DDX41: variants seen among roughly 807,000 people sequenced by gnomAD.
The protein encoded by DDX41 is probable ATP-dependent RNA helicase DDX41.
DDX41 carries 50 observed loss-of-function variants against 78.8 expected under a neutral mutation model. The observed-to-expected ratio is 0.63, with a 90% CI of 0.51 to 0.80. DDX41 has a LOEUF of 0.80. DDX41 is among the 30% of genes least tolerant of loss of function. The pLI, the probability that DDX41 is intolerant of heterozygous loss-of-function variation, is 0.00. For synonymous variants in DDX41, 381 were observed against 321.5 expected (o/e 1.19, Z -1.98); for missense variants, 633 against 849.2 (o/e 0.75, Z 3.16).
At position 177,512,803 on chromosome 5, in the gene DDX41, G is replaced by T; in HGVS notation, c.1376C>A (p.Ala459Asp). Residue 459 changes from alanine (A) to aspartate (D), a missense_variant, in exon 13 of 17, where the codon GCC becomes GAC. Physicochemically the swap from Ala to Asp is moderately radical, Grantham distance 126. Transcript: ENST00000330503. The stretch of plus-strand genomic sequence containing the variant: ...ACCTTTGCCCCCATGGATGGCTACG[G>T]CCTCAACCCCCTTGAGCAGCAGGTA... ...HEYLLLKGVE[A>D]VAIHGGKDQE... is the part of the protein sequence containing the mutation. 6.2e-7 allele frequency: 1 copy of T among 1,614,150 alleles called. No individual in the cohort carries two copies. Among genetic ancestry groups the T allele is most frequent in the Non-Finnish European group, 8.5e-7 (1 of 1,180,026 alleles).
chr5:177,512,242 T>A (rs1168762827), intron 15 of DDX41, 36 bp from the exon 16 acceptor site: 2 of 1,613,846 alleles, frequency 1.2e-6, no homozygotes, highest in East Asian at 2.2e-5. Context: ...GGGCCCATCC[T>A]GGGCTCTGTG....
chr5:177,513,924 C>T lies in DDX41; in HGVS notation c.936-77G>A. ...CTAGAGGCAAGCAGGCACCCTGCAT[C>T]TGCTCTGCTCTCTGTCCTCCTTCCT... On this transcript the variant is annotated intron_variant, in intron 9 of 16. Transcript: ENST00000330503. The surrounding 1 kb of genome is among the most constrained non-coding windows in gnomAD (Gnocchi z 4.6). 7.1e-7 allele frequency: 1 copy of T among 1,402,962 alleles called. No individual in the cohort carries two copies. 86.9% of individuals were successfully genotyped at this position (1,402,962 alleles called of 1,614,324 possible). A position where few individuals can be genotyped will look rare whatever the true frequency, so the allele number is the denominator to read the frequency against.
Position 177,514,559 on chromosome 5 carries a change from C to G in DDX41, c.935+142G>C, listed in dbSNP as rs1031201778. 4 of 1,214,426 alleles carry G rather than the reference C, an allele frequency of 3.3e-6. No homozygotes were observed. In the South Asian group the frequency reaches 4.4e-5, roughly 13 times the overall value. The allele number at this position is 1,214,426 out of a possible 1,614,324, so 75.2% of individuals were successfully genotyped here. ...TCTGTCCTCCCCCAACTAACCTCCC[C>G]ATTAGACTGGGAGCTCCTTGAGGGT... On this transcript the variant is annotated intron_variant, in intron 9 of 16. Coordinates refer to ENST00000330503, the MANE Select transcript of DDX41 (RefSeq NM_016222.4). The surrounding 1 kb of genome is among the most constrained non-coding windows in gnomAD (Gnocchi z 4.2).
intron 6 of DDX41, 64 bp downstream of exon 6, chr5:177,515,621 C>T: frequency 1.3e-6 from 2 of 1,590,166 alleles, no homozygotes; most frequent in South Asian, 2.3e-5. Context: ...CAGTGGGAGC[C>T]AGGACATAAC....
chr5:177,515,680 A>T lies in DDX41; in HGVS notation c.571+5T>A. On this transcript the variant is annotated splice_donor_5th_base_variant and intron_variant, in intron 6 of 16. Coordinates refer to ENST00000330503, the MANE Select transcript of DDX41 (RefSeq NM_016222.4). ...GTGTGGTATCTCTCTCCAGCCCCTG[A>T]CTACCTGCAGGAAACTTCATTTCCT... 1 of 1,613,888 alleles carries T rather than the reference A, an allele frequency of 6.2e-7. No individual in the cohort carries two copies.
In DDX41 at chr5:177,514,863, C is replaced by T. The variant is rs1761149512; in HGVS notation, c.799-26G>A. 1 of 1,605,430 alleles carries T rather than the reference C, an allele frequency of 6.2e-7. No homozygotes were observed. Among genetic ancestry groups the T allele is most frequent in the Non-Finnish European group, 8.5e-7 (1 of 1,173,612 alleles). Reference sequence around the variant, plus strand: ...CTGCAGGCAGAGGGACAAAGGCTGGCACCAGATGGCAGCCCCAATCTCTGG... The same window carrying T: ...CTGCAGGCAGAGGGACAAAGGCTGGTACCAGATGGCAGCCCCAATCTCTGG... On this transcript the variant is annotated intron_variant, in intron 8 of 16. Transcript: ENST00000330503. The surrounding 1 kb of genome is among the most constrained non-coding windows in gnomAD (Gnocchi z 4.2).
Position 177,514,318 on chromosome 5 carries a change from A to G in DDX41, c.935+383T>C, listed in dbSNP as rs1332195066. 1.5e-5 allele frequency: 7 copies of G among 480,516 alleles called. No individual in the cohort carries two copies. The highest frequency in any genetic ancestry group is 1.1e-4 in the South Asian group (7 of 61,914). The allele number at this position is 480,516 out of a possible 1,614,324, so 29.8% of individuals were successfully genotyped here. On this transcript the variant is annotated intron_variant, in intron 9 of 16. Coordinates refer to ENST00000330503, the MANE Select transcript of DDX41 (RefSeq NM_016222.4). This position sits in a 1 kb window ranked among gnomAD's most constrained non-coding sequence, Gnocchi z 4.2. ...AAGGACACAGGTGCCGCTGGGATCC[A>G]GCCCTACCCCAGTGCCTCAACCTCC...
Position 177,513,416 on chromosome 5 carries a change from G to C in DDX41, c.1167C>G (p.Ala389=), listed in dbSNP as rs768748580. 2 of 1,614,050 alleles carry C rather than the reference G, an allele frequency of 1.2e-6. No homozygotes were observed. The highest frequency in any genetic ancestry group is 1.7e-6 in the Non-Finnish European group (2 of 1,180,030). ...CATTGATGGTCACAGGCTTTACAAG[G>C]GCACTCTTAGCAAAGTTCTGAATCT... is the stretch of plus-strand genomic sequence containing the variant. ...PKKIQNFAKS[A]LVKPVTINVG... is the part of the protein sequence containing the mutation. The change falls in exon 11 of 17, where the codon GCC becomes GCG. Residue 389 remains alanine, a synonymous_variant. Transcript: ENST00000330503. This position sits in a 1 kb window ranked among gnomAD's most constrained non-coding sequence, Gnocchi z 4.6.
chr5:177,516,615 C>G (rs1391102273), intron 2 of DDX41, 110 bp downstream of exon 2: 6 of 1,381,370 alleles, frequency 4.3e-6, no homozygotes, highest in Non-Finnish European at 5.0e-6. Flanking sequence ...CCCTGGTGTA[C>G]TGAAGCTCAC....
rs985879684 is a variant in DDX41, at chr5:177,515,754, G to A, written c.502C>T (p.His168Tyr). 3 of 1,614,138 alleles carry A rather than the reference G, an allele frequency of 1.9e-6. No individual in the cohort carries two copies. Among genetic ancestry groups the A allele is most frequent in the Non-Finnish European group, 1.7e-6 (2 of 1,180,038 alleles). Reference sequence around the variant, plus strand: ...ATACCGTCTCCCTCCACCAGGATGTGGTATTTCTTCCGCACGCGCTCATGT... The same window carrying A: ...ATACCGTCTCCCTCCACCAGGATGTAGTATTTCTTCCGCACGCGCTCATGT... ...ERHERVRKKY[H>Y]ILVEGDGIPP... The change falls in exon 6 of 17, where the codon CAC becomes TAC. Residue 168 changes from histidine (H) to tyrosine (Y), a missense_variant. Around this residue, in one of 6 missense-constraint regions of DDX41, gnomAD observed 126 missense variants for 115.5 expected, o/e 1.09. Coordinates refer to ENST00000330503, the MANE Select transcript of DDX41 (RefSeq NM_016222.4).
Position 177,513,095 on chromosome 5 carries a change from AGATCAGGTCAGGT to A in DDX41, c.1231-26_1231-14del. 1 of 1,611,456 alleles carries A rather than the reference AGATCAGGTCAGGT, an allele frequency of 6.2e-7. No individual in the cohort carries two copies. Among genetic ancestry groups the A allele is most frequent in the Non-Finnish European group, 8.5e-7 (1 of 1,178,406 alleles). The stretch of plus-strand genomic sequence containing the variant: ...CATATTCTACCTCCTGCCACCACAA[AGATCAGGTCAGGT>A]GATCTTGAGATTAGGCTTACCCGCC... On this transcript the variant is annotated splice_polypyrimidine_tract_variant and intron_variant, in intron 11 of 16. Coordinates refer to ENST00000330503, the MANE Select transcript of DDX41 (RefSeq NM_016222.4). The surrounding 1 kb of genome is among the most constrained non-coding windows in gnomAD (Gnocchi z 4.6).
At chr5:177,515,853 C>G (rs1221797303) in intron 5 of DDX41, 32 bp from the exon 6 acceptor site, 1 of 1,614,116 alleles carries the variant, frequency 6.2e-7, no homozygotes, top group Non-Finnish European at 8.5e-7. Flanking sequence ...CAAGAGAGCC[C>G]TGGGAATAGC....
Position 177,516,720 on chromosome 5 carries a change from C to A in DDX41, c.138+5G>T, listed in dbSNP as rs187714514. The A allele has an allele frequency of 1.3e-4, 211 of 1,591,986 alleles. No individual in the cohort carries two copies. Among genetic ancestry groups the A allele is most frequent in the Non-Finnish European group, 1.7e-4 (200 of 1,169,776 alleles). On this transcript the variant is annotated splice_donor_5th_base_variant and intron_variant, in intron 2 of 16. Coordinates refer to ENST00000330503, the MANE Select transcript of DDX41 (RefSeq NM_016222.4). ...CCCATCCCTCCCCGGACGCGTGCCC[C>A]TCACCAGTAGCTGCCGGCGCTGCCG...
rs369119236 is a variant in DDX41 at position 177,511,763 on chromosome 5, C to T, written c.*28G>A. On this transcript the variant is annotated 3_prime_UTR_variant, in exon 17 of 17. Coordinates refer to ENST00000330503, the MANE Select transcript of DDX41 (RefSeq NM_016222.4). ...TGGTGGCAGTCTTGGGGACTGAGGCCTCTTGGAGAGAAGGGAAGACTGTCG... is the reference window on the plus strand; with the variant it reads ...TGGTGGCAGTCTTGGGGACTGAGGCTTCTTGGAGAGAAGGGAAGACTGTCG... 4.2e-5 allele frequency: 68 copies of T among 1,609,354 alleles called. No individual in the cohort carries two copies. The African/African-American group carries it at 7.6e-4, about 18-fold the overall frequency.
rs200471726 is a variant in DDX41, at chr5:177,512,209, G to A, written c.1622-3C>T. Reference sequence around the variant, plus strand: ...GAGGTCCATCAGCACTGACTCATCTGGGGGAGGAGTGGGGAAGCATCAGGG... The same window carrying A: ...GAGGTCCATCAGCACTGACTCATCTAGGGGAGGAGTGGGGAAGCATCAGGG... On this transcript the variant is annotated splice_polypyrimidine_tract_variant and splice_region_variant and intron_variant, in intron 15 of 16. Transcript: ENST00000330503. The A allele has an allele frequency of 7.2e-5, 116 of 1,613,618 alleles. No individual in the cohort carries two copies. Among genetic ancestry groups the A allele is most frequent in the Non-Finnish European group, 3.2e-5 (38 of 1,179,994 alleles).
rs780021274 is a variant in DDX41 at position 177,513,251 on chromosome 5, C to T, written c.1230+102G>A. Reference sequence around the variant, plus strand: ...CGTCAGGGGCTTTGAATGAAACCCCCGGTTCCCACAAGGTGGACCCCCGGC... The same window carrying T: ...CGTCAGGGGCTTTGAATGAAACCCCTGGTTCCCACAAGGTGGACCCCCGGC... On this transcript the variant is annotated intron_variant, in intron 11 of 16. Transcript: ENST00000330503. This position sits in a 1 kb window ranked among gnomAD's most constrained non-coding sequence, Gnocchi z 4.6. 1.5e-5 allele frequency: 23 copies of T among 1,568,178 alleles called. No homozygotes were observed. Among genetic ancestry groups the T allele is most frequent in the East Asian group, 1.3e-4 (6 of 44,540 alleles).
chr5:177,514,215 G>T lies in DDX41; in HGVS notation c.936-368C>A, dbSNP rs777366634. 8 of 496,000 alleles carry T rather than the reference G, an allele frequency of 1.6e-5. No individual in the cohort carries two copies. The East Asian group carries it at 4.6e-4, about 28-fold the overall frequency. 30.7% of individuals were successfully genotyped at this position (496,000 alleles called of 1,614,324 possible). A position where few individuals can be genotyped will look rare whatever the true frequency, so the allele number is the denominator to read the frequency against. On this transcript the variant is annotated intron_variant, in intron 9 of 16. Coordinates refer to ENST00000330503, the MANE Select transcript of DDX41 (RefSeq NM_016222.4). This position sits in a 1 kb window ranked among gnomAD's most constrained non-coding sequence, Gnocchi z 4.2. ...GAAGTCCGTGGAGGAAGGCCTCCGG[G>T]ATGGGGTCTGGCCCATCTGTGAACA...
rs1298017075 is a variant in DDX41 at position 177,513,253 on chromosome 5, G to T, written c.1230+100C>A. 1 of 1,573,088 alleles carries T rather than the reference G, an allele frequency of 6.4e-7. No homozygotes were observed. Among genetic ancestry groups the T allele is most frequent in the Non-Finnish European group, 8.7e-7 (1 of 1,155,484 alleles). On this transcript the variant is annotated intron_variant, in intron 11 of 16. Coordinates refer to ENST00000330503, the MANE Select transcript of DDX41 (RefSeq NM_016222.4). This position sits in a 1 kb window ranked among gnomAD's most constrained non-coding sequence, Gnocchi z 4.6. ...TCAGGGGCTTTGAATGAAACCCCCG[G>T]TTCCCACAAGGTGGACCCCCGGCTC...
Position 177,513,580 on chromosome 5 carries a change from G to C in DDX41, c.1099-96C>G. On this transcript the variant is annotated intron_variant, in intron 10 of 16. Coordinates refer to ENST00000330503, the MANE Select transcript of DDX41 (RefSeq NM_016222.4). The surrounding 1 kb of genome is among the most constrained non-coding windows in gnomAD (Gnocchi z 4.6). ...GAGCAACTGAGACACAGCCCACAAA[G>C]TATGAGCAGTGGGTTGGGGTGGCCA... 1 of 1,604,136 alleles carries C rather than the reference G, an allele frequency of 6.2e-7. No homozygotes were observed. The highest frequency in any genetic ancestry group is 8.5e-7 in the Non-Finnish European group (1 of 1,172,548).
Sources: allele counts gnomAD v4.1 joint callset, GRCh38; gene constraint gnomAD v4.1.1; regional missense constraint gnomAD v4.1.1; non-coding constraint Gnocchi (gnomAD v3.1); transcripts MANE v1.5; gene names NCBI Gene and HGNC (gene_info 2026-07-23, HGNC 2026-07-21).